Variants in ZNF516 observed in about 807,000 individuals in gnomAD.
ZNF516 encodes zinc finger protein 516.
In ZNF516, 19 loss-of-function variants were observed where a neutral mutation model predicts 79.7. That is an observed-to-expected ratio of 0.24 (90% CI 0.17 to 0.35). The LOEUF (loss-of-function observed/expected upper bound fraction) is 0.35. ZNF516 is among the 10% of genes least tolerant of loss of function. The pLI, the probability that ZNF516 is intolerant of heterozygous loss-of-function variation, is 1.00. For synonymous variants in ZNF516, 877 were observed against 739.5 expected (o/e 1.19, Z -3.02); for missense variants, 1,678 against 1,679.5 (o/e 1.00, Z 0.02).
intron 1 of ZNF516, chr18:76,491,177 GGCCCCCGGAGCCCGGTCCACGCC>G: frequency 2.2e-6 from 2 of 902,052 alleles, no homozygotes; most frequent in Non-Finnish European, 2.7e-6. Context: ...GCCGCGCCTC[GGCCCCCGGAGCCCGGTCCACGCC>G]GCCGCGCGGA....
chr18:76,469,777 A>G (rs1913717539), intron 1 of ZNF516, among the ~76,000 whole-genome samples: 1 of 152,234 alleles, frequency 6.6e-6, no homozygotes, highest in African/African-American at 2.4e-5. Flanking sequence ...TTCAACTAAT[A>G]TTCATTAATT....
intron 3 of ZNF516, among the ~76,000 whole-genome samples, chr18:76,406,998 T>C (rs576335013): frequency 7.9e-5 from 12 of 152,294 alleles, no homozygotes; most frequent in Non-Finnish European, 1.6e-4. Context: ...CCGTCCACTG[T>C]TGGGTGAGAC....
chr18:76,415,575 T>A (rs1599052589), intron 3 of ZNF516, among the ~76,000 whole-genome samples: 1 of 151,518 alleles, frequency 6.6e-6, no homozygotes, highest in African/African-American at 2.4e-5. Flanking sequence ...TCTGCGGAGG[T>A]GGGTTCTGAA....
Position 76,361,700 on chromosome 18 carries a change from G to C in ZNF516, c.*798C>G, listed in dbSNP as rs1359556619. The C allele has an allele frequency of 6.6e-6, 1 of 152,210 alleles. No individual in the cohort carries two copies. The highest frequency in any genetic ancestry group is 6.5e-5 in the Admixed American group (1 of 15,282). The allele number at this position is 152,210 out of a possible 1,614,324, so 9.4% of individuals were successfully genotyped here. A position where few individuals can be genotyped will look rare whatever the true frequency, so the allele number is the denominator to read the frequency against. ...GCAGAATGTAGCCCTGTTACAAAAA[G>C]GTCCTGAGAATAAACAAGAAGCCTG... On this transcript the variant is annotated 3_prime_UTR_variant, in exon 7 of 7. Transcript: ENST00000443185.
intron 1 of ZNF516, among the ~76,000 whole-genome samples, chr18:76,482,235 T>C (rs1914565934): frequency 1.3e-5 from 2 of 152,236 alleles, no homozygotes; most frequent in Non-Finnish European, 2.9e-5. Context: ...GGTTCACATC[T>C]ACCAACGGGA....
At chr18:76,401,678 C>G (rs2075225661) in intron 3 of ZNF516, among the ~76,000 whole-genome samples, 1 of 151,886 alleles carries the variant, frequency 6.6e-6, no homozygotes, top group Non-Finnish European at 1.5e-5. Flanking sequence ...CGGAGCACAA[C>G]CGGCCTCCCA....
chr18:76,460,308 C>T (rs1347237777), intron 2 of ZNF516, among the ~76,000 whole-genome samples: 1 of 152,200 alleles, frequency 6.6e-6, no homozygotes, highest in Admixed American at 6.5e-5. Context: ...CTGTGAGCCA[C>T]ATCCCTCGAC....
In ZNF516 at chr18:76,442,827, G is replaced by A. The variant is rs750249616; in HGVS notation, c.228C>T (p.Asn76=). 6.2e-7 allele frequency: 1 copy of A among 1,612,848 alleles called. No homozygotes were observed. The highest frequency in any genetic ancestry group is 1.7e-5 in the Admixed American group (1 of 59,900). ...GGTGGCTCCGGATGTGAATCTTCAG[G>A]TTGCCCTTCTGGGAAGCCCGGTGGT... ...YCDHRASQKG[N]LKIHIRSHRT... is the part of the protein sequence containing the mutation. The change falls in exon 3 of 7, where the codon AAC becomes AAT. Residue 76 remains asparagine, a synonymous_variant. Transcript: ENST00000443185.
chr18:76,495,787 G>A (rs895215480), upstream of ZNF516: 68 of 1,118,798 alleles, frequency 6.1e-5, no homozygotes, highest in African/African-American at 1.1e-3. Context: ...GGGGTCCCAG[G>A]TGCGTGTGCA....
At chr18:76,434,690 C>A (rs2075707017) in intron 3 of ZNF516, among the ~76,000 whole-genome samples, 1 of 152,228 alleles carries the variant, frequency 6.6e-6, no homozygotes. Flanking sequence ...CGTCCTGGGA[C>A]TACGCATTCC....
At chr18:76,487,426 T>A (rs1331227708) in intron 1 of ZNF516, among the ~76,000 whole-genome samples, 1 of 152,234 alleles carries the variant, frequency 6.6e-6, no homozygotes, top group Admixed American at 6.5e-5. Context: ...TATAAATATA[T>A]CCTTCCTTAT....
chr18:76,486,921 A>G (rs1408775058), intron 1 of ZNF516, among the ~76,000 whole-genome samples: 1 of 152,198 alleles, frequency 6.6e-6, no homozygotes, highest in Admixed American at 6.5e-5. Context: ...ACCAGAATTA[A>G]CACAGAGTTA....
intron 6 of ZNF516, among the ~76,000 whole-genome samples, chr18:76,368,738 T>C (rs964313962): frequency 6.6e-6 from 1 of 152,258 alleles, no homozygotes; most frequent in Non-Finnish European, 1.5e-5. Context: ...ACAATTATTA[T>C]ATTGTTACTC....
At chr18:76,492,245 G>T in intron 1 of ZNF516, 4 of 985,484 alleles carry the variant, frequency 4.1e-6, no homozygotes, top group Non-Finnish European at 4.8e-6. Context: ...ATGCTGCTCG[G>T]CTCAGGTCGG....
At chr18:76,409,862 T>C (rs916164536) in intron 3 of ZNF516, among the ~76,000 whole-genome samples, 1 of 152,190 alleles carries the variant, frequency 6.6e-6, no homozygotes. Flanking sequence ...AAATCTCACC[T>C]TGAATTGTAG....
rs761125116 is a variant in ZNF516, at chr18:76,379,226, G to A, written c.2888C>T (p.Ala963Val). 4.3e-6 allele frequency: 7 copies of A among 1,612,692 alleles called. No homozygotes were observed. The Admixed American group carries it at 6.7e-5, about 15-fold the overall frequency. The change falls in exon 4 of 7, where the codon GCC becomes GTC. Residue 963 changes from alanine to valine, a missense_variant. By Grantham distance (64) the Ala-to-Val change is moderately conservative. Transcript: ENST00000443185. ...CGGGGCACTGTGCTTATTTGTGGGG[G>A]CAAAGCCAGCCCCCGCTGGGGGGAC... The part of the protein sequence containing the change: ...FGVPPAGAGF[A>V]PTNKHSAPDS...
chr18:76,405,068 G>C (rs2075286307), intron 3 of ZNF516, among the ~76,000 whole-genome samples: 1 of 152,188 alleles, frequency 6.6e-6, no homozygotes, highest in African/African-American at 2.4e-5. Flanking sequence ...GCAGGCACAA[G>C]CTAGGCAGAT....
chr18:76,441,552 G>A lies in ZNF516; in HGVS notation c.1503C>T (p.Pro501=), dbSNP rs771357636. The A allele has an allele frequency of 7.2e-6, 11 of 1,536,398 alleles. No homozygotes were observed. In the South Asian group the frequency reaches 9.6e-5, roughly 13 times the overall value. The change falls in exon 3 of 7, where the codon CCC becomes CCT. Residue 501 remains proline, a synonymous_variant. Transcript: ENST00000443185. ...GHLDPRSAAR[P]NRRAAATTGQ... ...CGGTGGTGGCTGCGGCCCTGCGGTT[G>A]GGGCGCGCGGCCGAGCGGGGATCGA...
intron 3 of ZNF516, among the ~76,000 whole-genome samples, chr18:76,418,364 CTG>C (rs200267498): frequency 0.023 from 3,480 of 152,234 alleles, 66 homozygotes; most frequent in Middle Eastern, 0.041. Flanking sequence ...CTGTAACACA[CTG>C]TAACACTAAC....
Sources: allele counts gnomAD v4.1 joint callset (sites outside exome capture counted in the v4.1 genomes callset), GRCh38; gene constraint gnomAD v4.1.1; transcripts MANE v1.5; gene names NCBI Gene and HGNC (gene_info 2026-07-23, HGNC 2026-07-21).